Variants in BARD1 observed in about 807,000 individuals in gnomAD.
BARD1 encodes the protein BRCA1 associated RING domain 1.
A neutral mutation model predicts 77.0 loss-of-function variants in BARD1; 73 were observed. That is an observed-to-expected ratio of 0.95 (90% CI 0.79 to 1.15). The LOEUF (loss-of-function observed/expected upper bound fraction) is 1.15. Among genes scored for constraint, BARD1 ranks in the 50% most tolerant of loss-of-function variants. The pLI, the probability that BARD1 is intolerant of heterozygous loss-of-function variation, is 0.00. For missense variants in BARD1, 993 were observed against 938.8 expected (o/e 1.06, Z -0.75); for synonymous variants, 384 against 338.0 (o/e 1.14, Z -1.49).
intron 4 of BARD1, among the ~76,000 whole-genome samples, chr2:214,776,023 G>A (rs1559418641): frequency 2.0e-5 from 3 of 152,154 alleles, no homozygotes; most frequent in Non-Finnish European, 2.9e-5. Context: ...TCTCTCTCCA[G>A]GGGATCTTCA....
intron 9 of BARD1, among the ~76,000 whole-genome samples, chr2:214,731,945 T>G (rs569924724): frequency 6.6e-6 from 1 of 152,318 alleles, no homozygotes; most frequent in East Asian, 1.9e-4. Context: ...TCAATAAAAA[T>G]AAGTAATTAT....
chr2:214,748,580 T>C (rs1010807189), intron 7 of BARD1, among the ~76,000 whole-genome samples: 23 of 151,968 alleles, frequency 1.5e-4, no homozygotes, highest in Middle Eastern at 3.4e-3. Context: ...AACAGAGAAG[T>C]CTCAAAATGA....
intron 1 of BARD1, among the ~76,000 whole-genome samples, chr2:214,806,731 G>A (rs553455014): frequency 3.3e-5 from 5 of 151,836 alleles, no homozygotes; most frequent in East Asian, 1.9e-4. Flanking sequence ...AAAATTAGCC[G>A]GGCATGGTGG....
intron 1 of BARD1, among the ~76,000 whole-genome samples, chr2:214,800,421 C>A (rs866038349): frequency 6.6e-6 from 1 of 152,086 alleles, no homozygotes; most frequent in Non-Finnish European, 1.5e-5. Context: ...GCCTGCAATC[C>A]CAGCTACTCA....
chr2:214,767,837 C>G (rs1469407290), intron 5 of BARD1, among the ~76,000 whole-genome samples, 183 bp from the exon 6 acceptor site: 1 of 152,118 alleles, frequency 6.6e-6, no homozygotes, highest in African/African-American at 2.4e-5. Context: ...ATCTTTCAAT[C>G]AAGATCTGTG....
chr2:214,773,338 G>A (rs181655647), intron 4 of BARD1, among the ~76,000 whole-genome samples: 4 of 152,166 alleles, frequency 2.6e-5, no homozygotes, highest in East Asian at 3.9e-4. Context: ...TAAATGAACC[G>A]ACCAGGAACC....
intron 4 of BARD1, among the ~76,000 whole-genome samples, chr2:214,773,232 A>T (rs1449793646): frequency 6.6e-6 from 1 of 152,240 alleles, no homozygotes; most frequent in Non-Finnish European, 1.5e-5. Context: ...AGCTCTTCTA[A>T]AATACCATTA....
At chr2:214,809,159 G>A (rs1696431988) in intron 1 of BARD1, among the ~76,000 whole-genome samples, 1 of 152,188 alleles carries the variant, frequency 6.6e-6, no homozygotes, top group African/African-American at 2.4e-5. Flanking sequence ...CGGTTCTTCA[G>A]CCCGCTGAAG....
intron 6 of BARD1, among the ~76,000 whole-genome samples, chr2:214,766,166 A>G (rs1213447455): frequency 2.0e-5 from 3 of 152,184 alleles, no homozygotes; most frequent in African/African-American, 7.2e-5. Context: ...TACATACAGC[A>G]TTTGCTTGTG....
At chr2:214,769,617 T>A (rs181121260) in intron 4 of BARD1, among the ~76,000 whole-genome samples, 281 of 152,220 alleles carry the variant, frequency 1.8e-3, no homozygotes, top group Non-Finnish European at 2.9e-3. Flanking sequence ...GGTGCCAGCC[T>A]GTAATCCCAG....
chr2:214,777,737 G>T (rs565731373), intron 4 of BARD1, among the ~76,000 whole-genome samples: 1 of 152,072 alleles, frequency 6.6e-6, no homozygotes, highest in Non-Finnish European at 1.5e-5. Flanking sequence ...CCAACTCCTT[G>T]TTCCATTTTA....
chr2:214,787,368 C>T (rs1226986741), intron 3 of BARD1, among the ~76,000 whole-genome samples: 2 of 151,770 alleles, frequency 1.3e-5, no homozygotes, highest in Non-Finnish European at 3.0e-5. Context: ...AATAACTTTA[C>T]TCAAAAGATT....
chr2:214,777,236 G>T (rs1694774202), intron 4 of BARD1, among the ~76,000 whole-genome samples: 1 of 152,166 alleles, frequency 6.6e-6, no homozygotes, highest in East Asian at 1.9e-4. Context: ...AGTGGTAGGG[G>T]CAAGAAAAGA....
In BARD1 at chr2:214,728,894, T is replaced by C. The variant is rs149262370; in HGVS notation, c.2116A>G (p.Lys706Glu). Residue 706 changes from lysine (K) to glutamate (E), a missense_variant, in exon 11 of 11, where the codon AAG becomes GAG. By Grantham distance (56) the Lys-to-Glu change is moderately conservative. Coordinates refer to ENST00000260947, the MANE Select transcript of BARD1 (RefSeq NM_000465.4). ...TAGGGQILSRKPKPDSDVTQT... is the reference protein window; with the variant it reads ...TAGGGQILSREPKPDSDVTQT... ...GTCACGTCACTGTCTGGCTTGGGCT[T>C]TCTACTGAGGATCTGGCCCCCACCT... The C allele has an allele frequency of 1.5e-4, 239 of 1,614,084 alleles. No homozygotes were observed. Among genetic ancestry groups the C allele is most frequent in the Non-Finnish European group, 1.9e-4 (230 of 1,180,038 alleles).
chr2:214,744,791 C>T (rs999676792), intron 9 of BARD1, among the ~76,000 whole-genome samples: 23 of 152,150 alleles, frequency 1.5e-4, no homozygotes, highest in South Asian at 4.2e-4. Context: ...CCACCACGCC[C>T]GGCTAATTTT....
chr2:214,740,903 T>C (rs1022685417), intron 9 of BARD1, among the ~76,000 whole-genome samples: 6 of 151,214 alleles, frequency 4.0e-5, no homozygotes, highest in African/African-American at 1.2e-4. Context: ...TATACGAATG[T>C]TTTTTTTTAA....
intron 6 of BARD1, among the ~76,000 whole-genome samples, chr2:214,762,099 C>T (rs1693993118): frequency 6.6e-6 from 1 of 152,120 alleles, no homozygotes; most frequent in East Asian, 1.9e-4. Flanking sequence ...ATTTGCAACG[C>T]TCCAAAATTG....
chr2:214,779,574 T>C (rs773441897), intron 4 of BARD1, among the ~76,000 whole-genome samples: 11 of 152,168 alleles, frequency 7.2e-5, no homozygotes, highest in Non-Finnish European at 1.5e-4. Context: ...GTTTATGCTA[T>C]TCCCTTTCTC....
At chr2:214,769,901 C>T (rs1694398045) in intron 4 of BARD1, among the ~76,000 whole-genome samples, 1 of 152,090 alleles carries the variant, frequency 6.6e-6, no homozygotes, top group African/African-American at 2.4e-5. Context: ...ATCATGTGCT[C>T]ACAATGAAGT....
Sources: allele counts gnomAD v4.1 joint callset (sites outside exome capture counted in the v4.1 genomes callset), GRCh38; gene constraint gnomAD v4.1.1; transcripts MANE v1.5; gene names NCBI Gene and HGNC (gene_info 2026-07-23, HGNC 2026-07-21).